The following EYS variants were observed in gnomAD, a reference collection of about 807,000 sequenced individuals.
The protein encoded by EYS is protein eyes shut homolog.
Under a neutral mutation model 282.1 loss-of-function variants are expected in EYS, and 250 were observed. That is an observed-to-expected ratio of 0.89 (90% CI 0.80 to 0.98). EYS has a LOEUF of 0.98. Ranked by LOEUF, EYS falls within the 50% of genes least tolerant of loss-of-function variation. The probability of loss-of-function intolerance (pLI) is 0.00; values close to 1 mark genes in which losing one functional copy is unlikely to be tolerated. For synonymous variants in EYS, 1,355 were observed against 1,282.9 expected (o/e 1.06, Z -1.20); for missense variants, 4,016 against 3,709.0 (o/e 1.08, Z -2.15).
At chr6:65,277,164 G>A (rs1395014275) in intron 12 of EYS, among the ~76,000 whole-genome samples, 1 of 152,124 alleles carries the variant, frequency 6.6e-6, no homozygotes, top group African/African-American at 2.4e-5. Flanking sequence ...GCTGGGTGCA[G>A]TGGCTCATGC....
intron 2 of EYS, among the ~76,000 whole-genome samples, chr6:65,514,529 A>G (rs1454498685): frequency 6.6e-6 from 1 of 152,218 alleles, no homozygotes; most frequent in Non-Finnish European, 1.5e-5. Context: ...ACACTACCTG[A>G]CTTCAAACTA....
At chr6:63,883,806 A>C (rs1773193236) in intron 35 of EYS, among the ~76,000 whole-genome samples, 2 of 152,200 alleles carry the variant, frequency 1.3e-5, no homozygotes, top group Non-Finnish European at 2.9e-5. Context: ...CTTGGCCTAG[A>C]ACCTTCTTTC....
At chr6:65,089,797 A>C (rs1489735312) in intron 12 of EYS, among the ~76,000 whole-genome samples, 3 of 151,730 alleles carry the variant, frequency 2.0e-5, no homozygotes, top group African/African-American at 7.3e-5. Flanking sequence ...CTACTAAACA[A>C]ATGCAAAAAT....
intron 5 of EYS, among the ~76,000 whole-genome samples, chr6:65,473,622 T>C (rs1215092985): frequency 6.6e-6 from 1 of 152,010 alleles, no homozygotes; most frequent in African/African-American, 2.4e-5. Flanking sequence ...ATATTTTAGA[T>C]ACAAGATCTA....
chr6:64,937,143 A>T (rs564605323), intron 15 of EYS, among the ~76,000 whole-genome samples: 137 of 151,646 alleles, frequency 9.0e-4, no homozygotes, highest in Non-Finnish European at 1.8e-3. Flanking sequence ...CATAAAAATT[A>T]ACTAACTCAA....
At chr6:64,060,706 G>T (rs1771137031) in intron 33 of EYS, among the ~76,000 whole-genome samples, 1 of 152,226 alleles carries the variant, frequency 6.6e-6, no homozygotes, top group South Asian at 2.1e-4. Context: ...ACATGGAGAC[G>T]TCAACAGGAG....
At chr6:65,166,516 C>T (rs181319790) in intron 12 of EYS, among the ~76,000 whole-genome samples, 20 of 151,176 alleles carry the variant, frequency 1.3e-4, no homozygotes, top group South Asian at 1.2e-3. Context: ...TGTTTATCCA[C>T]ATACAAAATA....
At chr6:64,328,199 T>C (rs546264583) in intron 29 of EYS, among the ~76,000 whole-genome samples, 1 of 152,198 alleles carries the variant, frequency 6.6e-6, no homozygotes, top group Non-Finnish European at 1.5e-5. Flanking sequence ...CCTGGGCTGA[T>C]TGCAAACAAC....
intron 5 of EYS, among the ~76,000 whole-genome samples, chr6:65,467,843 G>T (rs1765063788): frequency 6.6e-6 from 1 of 151,956 alleles, no homozygotes; most frequent in African/African-American, 2.4e-5. Context: ...AGAATGTGTA[G>T]ATTTTGATTA....
intron 31 of EYS, among the ~76,000 whole-genome samples, chr6:64,096,898 G>A (rs1050621024): frequency 2.6e-5 from 4 of 152,128 alleles, no homozygotes; most frequent in Non-Finnish European, 5.9e-5. Flanking sequence ...TACCTTTGGT[G>A]TTTGATGATG....
chr6:64,035,398 A>G (rs1008800136), intron 33 of EYS, among the ~76,000 whole-genome samples: 11 of 152,188 alleles, frequency 7.2e-5, no homozygotes, highest in African/African-American at 2.2e-4. Flanking sequence ...AAAATCTATG[A>G]CTCATAGGGA....
chr6:64,089,139 G>A (rs1011732136), intron 31 of EYS, among the ~76,000 whole-genome samples: 1 of 151,634 alleles, frequency 6.6e-6, no homozygotes, highest in African/African-American at 2.4e-5. Flanking sequence ...TAAAAAAGAA[G>A]GTGACTGAAA....
At chr6:65,013,900 A>G (rs1248576826) in intron 13 of EYS, among the ~76,000 whole-genome samples, 2 of 152,196 alleles carry the variant, frequency 1.3e-5, no homozygotes, top group African/African-American at 4.8e-5. Context: ...ATATGTGAAT[A>G]TGATTGAATG....
intron 22 of EYS, among the ~76,000 whole-genome samples, chr6:64,742,915 G>A (rs1282446006): frequency 2.6e-5 from 4 of 152,000 alleles, no homozygotes; most frequent in East Asian, 1.9e-4. Context: ...CAAAATCACC[G>A]GTGATAAAGG....
chr6:65,089,987 AC>A (rs1774507848), intron 12 of EYS, among the ~76,000 whole-genome samples: 1 of 148,404 alleles, frequency 6.7e-6, no homozygotes, highest in Admixed American at 6.8e-5. Context: ...ATAAATACAC[AC>A]ACACACACAC....
intron 2 of EYS, among the ~76,000 whole-genome samples, chr6:65,591,070 C>T (rs1486187854): frequency 6.6e-6 from 1 of 151,960 alleles, no homozygotes; most frequent in Non-Finnish European, 1.5e-5. Context: ...TCCAAAATGG[C>T]TGCACTAATT....
intron 15 of EYS, 71 bp downstream of exon 15, chr6:64,945,722 T>C (rs1404199955): frequency 1.5e-6 from 2 of 1,358,528 alleles, no homozygotes; most frequent in Admixed American, 2.1e-5. Context: ...GAAAATAATG[T>C]CTGGATGTAT....
At chr6:64,363,932 A>T (rs1367946452) in intron 29 of EYS, among the ~76,000 whole-genome samples, 1 of 151,958 alleles carries the variant, frequency 6.6e-6, no homozygotes, top group African/African-American at 2.4e-5. Flanking sequence ...ATATTTATAC[A>T]TTCTTTCCTC....
intron 12 of EYS, among the ~76,000 whole-genome samples, chr6:65,122,477 G>A (rs952866807): frequency 5.9e-5 from 9 of 152,000 alleles, no homozygotes; most frequent in African/African-American, 1.4e-4. Flanking sequence ...GTCTTGAAAC[G>A]TAACATATTA....
Sources: gnomAD v4.1 joint callset for allele counts (sites outside exome capture counted in the v4.1 genomes callset) on GRCh38, gnomAD v4.1.1 for gene constraint, MANE v1.5 for transcripts, NCBI Gene and HGNC (gene_info 2026-07-23, HGNC 2026-07-21) for gene names.